The following ITGA9 variants were observed in gnomAD, a reference collection of about 807,000 sequenced individuals.
The protein encoded by ITGA9 is integrin alpha-9.
Under a neutral mutation model 127.8 loss-of-function variants are expected in ITGA9, and 56 were observed. The ratio of observed to expected loss-of-function variants is 0.44; its 90% CI spans 0.35 to 0.55. The LOEUF (loss-of-function observed/expected upper bound fraction) is 0.55, where lower values mean the gene tolerates loss of function less well. Ranked by LOEUF, ITGA9 falls within the 20% of genes least tolerant of loss-of-function variation. ITGA9 has a pLI of 0.00. For missense variants in ITGA9, 1,196 were observed against 1,347.1 expected (o/e 0.89, Z 1.76); for synonymous variants, 508 against 514.5 (o/e 0.99, Z 0.17).
At chr3:37,621,396 C>G (rs1013531051) in intron 15 of ITGA9, among the ~76,000 whole-genome samples, 4 of 152,218 alleles carry the variant, frequency 2.6e-5, no homozygotes, top group African/African-American at 9.6e-5. Flanking sequence ...CGTTGTTCCC[C>G]CATACCCACA....
chr3:37,651,423 C>T (rs1700428612), intron 16 of ITGA9, among the ~76,000 whole-genome samples: 1 of 152,156 alleles, frequency 6.6e-6, no homozygotes, highest in Non-Finnish European at 1.5e-5. Flanking sequence ...GGGGCATCCA[C>T]CATTTGGCTC....
chr3:37,517,632 C>T (rs374626836), intron 10 of ITGA9, 23 bp downstream of exon 10: 74 of 1,502,812 alleles, frequency 4.9e-5, no homozygotes, highest in Middle Eastern at 1.9e-4. Context: ...TCCTGGTGCA[C>T]GGAGCCCCTC....
At chr3:37,796,573 T>C (rs1697176748) in intron 26 of ITGA9, among the ~76,000 whole-genome samples, 1 of 151,780 alleles carries the variant, frequency 6.6e-6, no homozygotes, top group East Asian at 1.9e-4. Context: ...GATGGATAGG[T>C]GGTGGATGGG....
At chr3:37,650,804 C>T (rs1178652742) in intron 16 of ITGA9, among the ~76,000 whole-genome samples, 2 of 141,428 alleles carry the variant, frequency 1.4e-5, no homozygotes, top group Non-Finnish European at 3.0e-5. Context: ...TGTTGTCGCT[C>T]TCATTTGCCA....
At chr3:37,712,078 A>C (rs1701085409) in intron 18 of ITGA9, among the ~76,000 whole-genome samples, 1 of 151,894 alleles carries the variant, frequency 6.6e-6, no homozygotes, top group Admixed American at 6.6e-5. Flanking sequence ...ATTTTCACAA[A>C]TATTCAGCTT....
intron 4 of ITGA9, among the ~76,000 whole-genome samples, chr3:37,493,860 C>T (rs564611391): frequency 6.6e-6 from 1 of 152,324 alleles, no homozygotes; most frequent in African/African-American, 2.4e-5. Context: ...ATAACTGCAG[C>T]AGCAGAACGC....
At chr3:37,624,850 G>A (rs901561729) in intron 15 of ITGA9, among the ~76,000 whole-genome samples, 4 of 152,068 alleles carry the variant, frequency 2.6e-5, no homozygotes, top group African/African-American at 4.8e-5. Context: ...CAGGTCATCC[G>A]CCTTCCTCAG....
At chr3:37,565,176 C>T (rs928299890) in intron 15 of ITGA9, among the ~76,000 whole-genome samples, 22 of 152,188 alleles carry the variant, frequency 1.4e-4, no homozygotes, top group African/African-American at 5.3e-4. Context: ...TAATGGAGCT[C>T]ATTTACCTGA....
intron 1 of ITGA9, among the ~76,000 whole-genome samples, chr3:37,463,759 T>G (rs1549595): frequency 2.6e-5 from 4 of 152,010 alleles, no homozygotes; most frequent in Non-Finnish European, 2.9e-5. Flanking sequence ...AATATATTAC[T>G]GGTGGTGAAA....
Position 37,777,619 on chromosome 3 carries a change from A to G in ITGA9, c.2667+102A>G, listed in dbSNP as rs564331661. 25 of 1,354,932 alleles carry G rather than the reference A, an allele frequency of 1.8e-5. No individual in the cohort carries two copies. The African/African-American group carries it at 3.5e-4, about 19-fold the overall frequency. The allele number at this position is 1,354,932 out of a possible 1,614,324, so 83.9% of individuals were successfully genotyped here. A position where few individuals can be genotyped will look rare whatever the true frequency, so the allele number is the denominator to read the frequency against. Reference sequence around the variant, plus strand: ...TTATTTCCTAAATCTGGTTTTAATCAATTTGACTTACAAAGGCACAGACTG... The same window carrying G: ...TTATTTCCTAAATCTGGTTTTAATCGATTTGACTTACAAAGGCACAGACTG... On this transcript the variant is annotated intron_variant, in intron 24 of 27. Transcript: ENST00000264741.
Position 37,500,364 on chromosome 3 carries a change from A to G in ITGA9, c.613-2814A>G, listed in dbSNP as rs1357636952. On this transcript the variant is annotated intron_variant, in intron 5 of 27. Coordinates refer to ENST00000264741, the MANE Select transcript of ITGA9 (RefSeq NM_002207.3). ...ATCAACAGCTTCCTTCAAGGGGGGT[A>G]GGATCTCAAAACTTTAAAATGAAGT... 1.0e-3 allele frequency among the ~76,000 whole-genome samples: 157 copies of G among 152,348 alleles called. 1 individual carries two copies. Among genetic ancestry groups the G allele is most frequent in the Non-Finnish European group, 8.8e-5 (6 of 68,030 alleles).
rs1697536034 is a variant in ITGA9, at chr3:37,823,376, G to A, written c.*4387G>A. The A allele has an allele frequency of 6.6e-6, 1 of 152,154 alleles. No individual in the cohort carries two copies. The highest frequency in any genetic ancestry group is 2.1e-4 in the South Asian group (1 of 4,830). The allele number at this position is 152,154 out of a possible 1,614,324, so 9.4% of individuals were successfully genotyped here. On this transcript the variant is annotated 3_prime_UTR_variant, in exon 28 of 28. Transcript: ENST00000264741. ...CCACTGAGGAATTTTGGTGGGTGGG[G>A]GGAGGTTGTGCTGCCTCACAATGTC...
intron 18 of ITGA9, among the ~76,000 whole-genome samples, chr3:37,726,891 G>C (rs1696213101): frequency 6.6e-6 from 1 of 152,184 alleles, no homozygotes; most frequent in Non-Finnish European, 1.5e-5. Flanking sequence ...GATCCTGAGA[G>C]TAATGTGCAG....
At chr3:37,731,290 T>C (rs1696289012) in intron 18 of ITGA9, among the ~76,000 whole-genome samples, 1 of 152,094 alleles carries the variant, frequency 6.6e-6, no homozygotes, top group Non-Finnish European at 1.5e-5. Flanking sequence ...CCATCTCTGC[T>C]CACTGCAAGC....
intron 26 of ITGA9, among the ~76,000 whole-genome samples, chr3:37,787,488 T>C (rs1697055408): frequency 6.7e-6 from 1 of 148,642 alleles, no homozygotes; most frequent in Non-Finnish European, 1.5e-5. Context: ...GGCCGAGAGG[T>C]TTTTTTTAGC....
At chr3:37,786,760 A>T (rs1697046965) in intron 26 of ITGA9, among the ~76,000 whole-genome samples, 1 of 152,170 alleles carries the variant, frequency 6.6e-6, no homozygotes, top group East Asian at 1.9e-4. Flanking sequence ...GGCATTCCCT[A>T]CTCAGTGAGG....
At chr3:37,582,767 T>C (rs1168716983) in intron 15 of ITGA9, among the ~76,000 whole-genome samples, 2 of 152,202 alleles carry the variant, frequency 1.3e-5, no homozygotes, top group African/African-American at 4.8e-5. Context: ...TTGGACCCTC[T>C]TTGTCCCATT....
At position 37,750,766 on chromosome 3, in the gene ITGA9, TAAG is replaced by T. The variant is rs150984854; in HGVS notation, c.2541+202_2541+204del. ...CATTGAGACCATTTGGTTAATGCTG[TAAG>T]AAGACCTCTTTGGAGATGGGGAAGA... On this transcript the variant is annotated intron_variant, in intron 23 of 27. Transcript: ENST00000264741. 5.7e-4 allele frequency among the ~76,000 whole-genome samples: 87 copies of T among 152,378 alleles called. No individual in the cohort carries two copies. In the East Asian group the frequency reaches 0.015, roughly 26 times the overall value.
Position 37,660,412 on chromosome 3 carries a change from A to G in ITGA9, c.1916+6622A>G, listed in dbSNP as rs982772074. Among the ~76,000 whole-genome samples the G allele has an allele frequency of 4.6e-5, 7 of 152,374 alleles. No individual in the cohort carries two copies. The South Asian group carries it at 1.2e-3, about 27-fold the overall frequency. Reference sequence around the variant, plus strand: ...TTGCTCCAAGGTCAGGTATTAAGTTAGCAAAGTCCTAATGCTTTTGCTACC... The same window carrying G: ...TTGCTCCAAGGTCAGGTATTAAGTTGGCAAAGTCCTAATGCTTTTGCTACC... On this transcript the variant is annotated intron_variant, in intron 17 of 27. Coordinates refer to ENST00000264741, the MANE Select transcript of ITGA9 (RefSeq NM_002207.3).
Sources: gnomAD v4.1 joint callset for allele counts (sites outside exome capture counted in the v4.1 genomes callset) on GRCh38, gnomAD v4.1.1 for gene constraint, MANE v1.5 for transcripts, NCBI Gene and HGNC (gene_info 2026-07-23, HGNC 2026-07-21) for gene names.